Variants in TCF21 observed in about 807,000 individuals in gnomAD.
TCF21 encodes capsulin.
In TCF21, 3 loss-of-function variants were observed where a neutral mutation model predicts 13.5. That is an observed-to-expected ratio of 0.22 (90% CI 0.10 to 0.57). The LOEUF (loss-of-function observed/expected upper bound fraction) is 0.57, where lower values mean the gene tolerates loss of function less well. Among genes scored for constraint, TCF21 ranks in the 20% least tolerant of loss-of-function variants. The pLI is 0.92. For synonymous variants in TCF21, 92 were observed against 101.7 expected (o/e 0.90, Z 0.57); for missense variants, 181 against 238.4 (o/e 0.76, Z 1.59).
Position 133,891,909 on chromosome 6 carries a change from T to C in TCF21, c.*107T>C. 8.6e-7 allele frequency: 1 copy of C among 1,167,004 alleles called. No individual in the cohort carries two copies. The highest frequency in any genetic ancestry group is 1.3e-5 in the South Asian group (1 of 74,668). 72.3% of individuals were successfully genotyped at this position (1,167,004 alleles called of 1,614,324 possible). ...TGTCTCTGCTTCCCCCTCGCAATGCTCCTCTCTCTGTCCCACCCCGCGAGA... is the reference window on the plus strand; with the variant it reads ...TGTCTCTGCTTCCCCCTCGCAATGCCCCTCTCTCTGTCCCACCCCGCGAGA... On this transcript the variant is annotated 3_prime_UTR_variant, in exon 2 of 2. Coordinates refer to ENST00000367882, the MANE Select transcript of TCF21 (RefSeq NM_003206.4).
chr6:133,892,629 C>T (rs1775237990), downstream of TCF21: 1 of 152,226 alleles, frequency 6.6e-6, no homozygotes, highest in Non-Finnish European at 1.5e-5. Context: ...CTTTTGTCAC[C>T]TTCCAGGTGT....
chr6:133,891,955 G>A lies in TCF21; in HGVS notation c.*153G>A, dbSNP rs1426186714. 6.9e-6 allele frequency: 5 copies of A among 723,178 alleles called. No individual in the cohort carries two copies. The highest frequency in any genetic ancestry group is 1.1e-5 in the Non-Finnish European group (5 of 443,572). 44.8% of individuals were successfully genotyped at this position (723,178 alleles called of 1,614,324 possible). ...CGAGAACACTTTACAACGACGAGGA[G>A]ATTCGTTTCCAAACCAGAGGAGATC... On this transcript the variant is annotated 3_prime_UTR_variant, in exon 2 of 2. Transcript: ENST00000367882.
Position 133,889,221 on chromosome 6 carries a change from G to A in TCF21, c.-177G>A. Reference sequence around the variant, plus strand: ...GGTTCCTTCTCACAACTCTGCGAAGGGGAAAGGGTTGTGAGACCCAACCAG... The same window carrying A: ...GGTTCCTTCTCACAACTCTGCGAAGAGGAAAGGGTTGTGAGACCCAACCAG... On this transcript the variant is annotated 5_prime_UTR_variant, in exon 1 of 2. Coordinates refer to ENST00000367882, the MANE Select transcript of TCF21 (RefSeq NM_003206.4). The surrounding 1 kb of genome is among the most constrained non-coding windows in gnomAD (Gnocchi z 5.1). 1.4e-6 allele frequency: 1 copy of A among 723,416 alleles called. No homozygotes were observed. Among genetic ancestry groups the A allele is most frequent in the East Asian group, 2.7e-5 (1 of 37,634 alleles). The allele number at this position is 723,416 out of a possible 1,614,324, so 44.8% of individuals were successfully genotyped here. A position where few individuals can be genotyped will look rare whatever the true frequency, so the allele number is the denominator to read the frequency against.
chr6:133,893,025 T>A (rs557210387), downstream of TCF21: 1 of 152,360 alleles, frequency 6.6e-6, no homozygotes, highest in African/African-American at 2.4e-5. Flanking sequence ...TGTTTAATGT[T>A]CGGGGTTATG....
Position 133,891,736 on chromosome 6 carries a change from G to A in TCF21, c.474G>A (p.Gly158=), listed in dbSNP as rs1240596722. 3 of 1,613,878 alleles carry A rather than the reference G, an allele frequency of 1.9e-6. No homozygotes were observed. The highest frequency in any genetic ancestry group is 2.5e-6 in the Non-Finnish European group (3 of 1,180,010). ...VNLTWPFMVA[G]KPESDLKEVV... The stretch of plus-strand genomic sequence containing the variant: ...AGACGTGGCCCTTTATGGTGGCCGG[G>A]AAACCCGAGAGTGACCTGAAAGAAG... Residue 158 remains glycine, a synonymous_variant, in exon 2 of 2, where the codon GGG becomes GGA. Coordinates refer to ENST00000367882, the MANE Select transcript of TCF21 (RefSeq NM_003206.4).
Position 133,892,083 on chromosome 6 carries a change from T to G in TCF21, c.*281T>G, listed in dbSNP as rs1234554841. 9.3e-6 allele frequency: 3 copies of G among 324,298 alleles called. No individual in the cohort carries two copies. The highest frequency in any genetic ancestry group is 4.1e-5 in the Admixed American group (1 of 24,214). 20.1% of individuals were successfully genotyped at this position (324,298 alleles called of 1,614,324 possible). A position where few individuals can be genotyped will look rare whatever the true frequency, so the allele number is the denominator to read the frequency against. On this transcript the variant is annotated 3_prime_UTR_variant, in exon 2 of 2. Transcript: ENST00000367882. Reference sequence around the variant, plus strand: ...CAAGTGCAATATGTAATTATAAATATATAAATAGATAAGAGCCTATCAATG... The same window carrying G: ...CAAGTGCAATATGTAATTATAAATAGATAAATAGATAAGAGCCTATCAATG...
chr6:133,893,054 C>T (rs1026205083), downstream of TCF21: 7 of 152,262 alleles, frequency 4.6e-5, no homozygotes, highest in Non-Finnish European at 8.8e-5. Flanking sequence ...GTTTACAAGA[C>T]GTCTTCGGTT....
rs531687894 is a variant in TCF21, at chr6:133,891,652, G to A, written c.451-61G>A. 1.3e-5 allele frequency: 5 copies of A among 385,868 alleles called. No individual in the cohort carries two copies. In the African/African-American group the frequency reaches 1.3e-4, roughly 10 times the overall value. 23.9% of individuals were successfully genotyped at this position (385,868 alleles called of 1,614,324 possible). Reference sequence around the variant, plus strand: ...CCCCCTTCCTTTCATCTCAGGCCCCGAGTCCACCCCACCCCCTCCGCCACG... The same window carrying A: ...CCCCCTTCCTTTCATCTCAGGCCCCAAGTCCACCCCACCCCCTCCGCCACG... On this transcript the variant is annotated intron_variant, in intron 1 of 1. Transcript: ENST00000367882.
Position 133,891,762 on chromosome 6 carries a change from T to G in TCF21, c.500T>G (p.Val167Gly). 1 of 1,613,224 alleles carries G rather than the reference T, an allele frequency of 6.2e-7. No individual in the cohort carries two copies. Among genetic ancestry groups the G allele is most frequent in the Non-Finnish European group, 8.5e-7 (1 of 1,179,876 alleles). The change falls in exon 2 of 2, where the codon GTG becomes GGG. Residue 167 changes from valine to glycine, a missense_variant. Transcript: ENST00000367882. ...AAACCCGAGAGTGACCTGAAAGAAG[T>G]GGTGACCGCGAGCCGCTTATGTGGA... is the stretch of plus-strand genomic sequence containing the variant. ...AGKPESDLKE[V>G]VTASRLCGTT...
chr6:133,894,014 G>A (rs1222811616), downstream of TCF21: 1 of 152,112 alleles, frequency 6.6e-6, no homozygotes, highest in Non-Finnish European at 1.5e-5. Flanking sequence ...GCTTAGTGAG[G>A]CTCAGATGAG....
At position 133,891,986 on chromosome 6, in the gene TCF21, T is replaced by C; in HGVS notation, c.*184T>C. ...TTTCCAAACCAGAGGAGATCAATTG[T>C]ACTTACAAAGATTCCCATCTATTTA... On this transcript the variant is annotated 3_prime_UTR_variant, in exon 2 of 2. Coordinates refer to ENST00000367882, the MANE Select transcript of TCF21 (RefSeq NM_003206.4). The C allele has an allele frequency of 3.3e-6, 2 of 602,400 alleles. No individual in the cohort carries two copies. Among genetic ancestry groups the C allele is most frequent in the South Asian group, 2.1e-5 (1 of 47,352 alleles). 37.3% of individuals were successfully genotyped at this position (602,400 alleles called of 1,614,324 possible).
chr6:133,894,199 C>A (rs1028694282), downstream of TCF21: 2 of 152,014 alleles, frequency 1.3e-5, no homozygotes, highest in African/African-American at 4.8e-5. Flanking sequence ...TTTTTTTCCA[C>A]GAACTAAAAT....
Position 133,889,259 on chromosome 6 carries a change from G to T in TCF21, c.-139G>T. The T allele has an allele frequency of 8.9e-7, 1 of 1,122,732 alleles. No homozygotes were observed. Among genetic ancestry groups the T allele is most frequent in the Non-Finnish European group, 1.3e-6 (1 of 755,318 alleles). 69.5% of individuals were successfully genotyped at this position (1,122,732 alleles called of 1,614,324 possible). ...GAGACCCAACCAGACCCCAACTCCA[G>T]CTCCCAGCAGGAGGTGGCTGCGCCA... On this transcript the variant is annotated 5_prime_UTR_variant, in exon 1 of 2. Transcript: ENST00000367882. The surrounding 1 kb of genome is among the most constrained non-coding windows in gnomAD (Gnocchi z 5.1).
rs747442170 is a variant in TCF21, at chr6:133,891,672, G to A, written c.451-41G>A. ...GCCCCGAGTCCACCCCACCCCCTCCGCCACGGCCACTTACCTCCTCCACCC... is the reference window on the plus strand; with the variant it reads ...GCCCCGAGTCCACCCCACCCCCTCCACCACGGCCACTTACCTCCTCCACCC... On this transcript the variant is annotated intron_variant, in intron 1 of 1. Transcript: ENST00000367882. The A allele has an allele frequency of 4.2e-5, 19 of 448,824 alleles. No homozygotes were observed. In the Admixed American group the frequency reaches 9.8e-4, roughly 23 times the overall value. 27.8% of individuals were successfully genotyped at this position (448,824 alleles called of 1,614,324 possible).
rs1775227951 is a variant in TCF21, at chr6:133,892,041, T to C, written c.*239T>C. The C allele has an allele frequency of 1.5e-5, 7 of 478,494 alleles. No individual in the cohort carries two copies. In the South Asian group the frequency reaches 1.8e-4, roughly 12 times the overall value. 29.6% of individuals were successfully genotyped at this position (478,494 alleles called of 1,614,324 possible). A position where few individuals can be genotyped will look rare whatever the true frequency, so the allele number is the denominator to read the frequency against. ...TATTAACTTCTACCGTGAATGACTC[T>C]GCAAGCCTTGCTGGTCCAAGTGCAA... On this transcript the variant is annotated 3_prime_UTR_variant, in exon 2 of 2. Coordinates refer to ENST00000367882, the MANE Select transcript of TCF21 (RefSeq NM_003206.4).
chr6:133,891,664 C>T, intron 1 of TCF21, 49 bp from the exon 2 acceptor site: 1 of 1,574,374 alleles, frequency 6.4e-7, no homozygotes, highest in Non-Finnish European at 8.7e-7. Context: ...GTCCACCCCA[C>T]CCCCTCCGCC....
Position 133,889,764 on chromosome 6 carries a change from C to T in TCF21, c.367C>T (p.Leu123=), listed in dbSNP as rs1223030445. 1.9e-6 allele frequency: 3 copies of T among 1,613,372 alleles called. No homozygotes were observed. Among genetic ancestry groups the T allele is most frequent in the East Asian group, 2.2e-5 (1 of 44,882 alleles). The change falls in exon 1 of 2, where the codon CTG becomes TTG. Residue 123 remains leucine, a synonymous_variant. Transcript: ENST00000367882. The surrounding 1 kb of genome is among the most constrained non-coding windows in gnomAD (Gnocchi z 5.1). Reference sequence around the variant, plus strand: ...GCTCTCCAAGCTGGACACGCTCAGGCTGGCGTCCAGCTACATCGCCCACTT... The same window carrying T: ...GCTCTCCAAGCTGGACACGCTCAGGTTGGCGTCCAGCTACATCGCCCACTT... ...TKLSKLDTLR[L]ASSYIAHLRQ... is the part of the protein sequence containing the mutation.
chr6:133,889,782 G>T lies in TCF21; in HGVS notation c.385G>T (p.Ala129Ser), dbSNP rs368461894. The change falls in exon 1 of 2, where the codon GCC becomes TCC. Residue 129 changes from alanine to serine, a missense_variant. By Grantham distance (99) the Ala-to-Ser change is moderately conservative (BLOSUM62 1). Transcript: ENST00000367882. This position sits in a 1 kb window ranked among gnomAD's most constrained non-coding sequence, Gnocchi z 5.1. Reference protein sequence around the residue: ...DTLRLASSYIAHLRQILANDK... With the variant: ...DTLRLASSYISHLRQILANDK... ...GCTCAGGCTGGCGTCCAGCTACATC[G>T]CCCACTTGAGGCAGATCCTGGCTAA... The T allele has an allele frequency of 6.7e-5, 108 of 1,613,222 alleles. No homozygotes were observed. Among genetic ancestry groups the T allele is most frequent in the Non-Finnish European group, 8.9e-5 (105 of 1,179,968 alleles).
chr6:133,889,966 T>C lies in TCF21; in HGVS notation c.450+119T>C, dbSNP rs946785635. 1.5e-5 allele frequency: 17 copies of C among 1,147,332 alleles called. No homozygotes were observed. In the African/African-American group the frequency reaches 2.3e-4, roughly 16 times the overall value. The allele number at this position is 1,147,332 out of a possible 1,614,324, so 71.1% of individuals were successfully genotyped here. A position where few individuals can be genotyped will look rare whatever the true frequency, so the allele number is the denominator to read the frequency against. ...TGGGCGCGGCGGTGACTTACACATC[T>C]CGACCACCGCGGGCCTAGAGCCTCC... On this transcript the variant is annotated intron_variant, in intron 1 of 1. Coordinates refer to ENST00000367882, the MANE Select transcript of TCF21 (RefSeq NM_003206.4). The surrounding 1 kb of genome is among the most constrained non-coding windows in gnomAD (Gnocchi z 5.1).
Sources: gnomAD v4.1 joint callset for allele counts on GRCh38, gnomAD v4.1.1 for gene constraint, Gnocchi (gnomAD v3.1) non-coding constraint, MANE v1.5 for transcripts, NCBI Gene and HGNC (gene_info 2026-07-23, HGNC 2026-07-21) for gene names.